Variants in AGBL4 observed in about 807,000 individuals in gnomAD.
The protein encoded by AGBL4 is cytosolic carboxypeptidase 6.
Under a neutral mutation model 66.4 loss-of-function variants are expected in AGBL4, and 58 were observed. The observed-to-expected ratio is 0.87, with a 90% CI of 0.71 to 1.09. The LOEUF (loss-of-function observed/expected upper bound fraction) is 1.09, where lower values mean the gene tolerates loss of function less well. Ranked by LOEUF, AGBL4 falls within the 50% of genes least tolerant of loss-of-function variation. AGBL4 has a pLI of 0.00. For synonymous variants in AGBL4, 234 were observed against 222.9 expected (o/e 1.05, Z -0.44); for missense variants, 579 against 631.0 (o/e 0.92, Z 0.88).
At chr1:49,430,974 A>G (rs1420847910) in intron 3 of AGBL4, among the ~76,000 whole-genome samples, 1 of 126,200 alleles carries the variant, frequency 7.9e-6, no homozygotes, top group Non-Finnish European at 1.8e-5. Context: ...GTAGATCACT[A>G]ATTCTCATGG....
intron 8 of AGBL4, among the ~76,000 whole-genome samples, chr1:48,638,011 T>G (rs1404858110): frequency 6.6e-6 from 1 of 152,162 alleles, no homozygotes; most frequent in African/African-American, 2.4e-5. Flanking sequence ...CATAAAACAA[T>G]TGTATCCTTA....
intron 6 of AGBL4, among the ~76,000 whole-genome samples, chr1:48,723,266 T>C (rs1237028833): frequency 1.3e-5 from 2 of 152,026 alleles, no homozygotes; most frequent in Non-Finnish European, 2.9e-5. Context: ...CTCAGGGAGG[T>C]AGATTTTTAG....
rs55896102 is a variant in AGBL4, at chr1:48,925,149, T to TACAC, written c.595-57923_595-57920dup. Among the ~76,000 whole-genome samples the TACAC allele has an allele frequency of 4.3e-3, 630 of 145,984 alleles. 4 individuals are homozygous for TACAC. Among genetic ancestry groups the TACAC allele is most frequent in the African/African-American group, 0.014 (567 of 39,382 alleles). On this transcript the variant is annotated intron_variant, in intron 5 of 13. Transcript: ENST00000371839. ...GACCATCTGTATATATATATATACA[T>TACAC]ACACACACACACACACACACACACA...
intron 5 of AGBL4, among the ~76,000 whole-genome samples, chr1:48,979,325 C>T (rs1041807853): frequency 2.0e-5 from 3 of 152,040 alleles, no homozygotes; most frequent in Non-Finnish European, 4.4e-5. Flanking sequence ...AAATATGTAT[C>T]ACGTGCCTGC....
chr1:49,841,713 G>A (rs1392650131), intron 2 of AGBL4: 3 of 255,454 alleles, frequency 1.2e-5, no homozygotes, highest in Admixed American at 5.2e-5. Flanking sequence ...GCATACAAGA[G>A]GTGACTTGGG....
In AGBL4 at chr1:49,347,323, C is replaced by T. The variant is rs184634344; in HGVS notation, c.283-101459G>A. Among the ~76,000 whole-genome samples the T allele has an allele frequency of 4.8e-4, 72 of 148,998 alleles. No homozygotes were observed. The East Asian group carries it at 0.013, about 27-fold the overall frequency. ...CTGGAGTGCAGTGGCACGATCTCAG[C>T]TCACTGCAAGCTCTGCCACCCGGGT... On this transcript the variant is annotated intron_variant, in intron 3 of 13. Coordinates refer to ENST00000371839, the MANE Select transcript of AGBL4 (RefSeq NM_032785.4).
At chr1:49,887,375 A>G (rs894102789) in intron 1 of AGBL4, among the ~76,000 whole-genome samples, 2 of 151,888 alleles carry the variant, frequency 1.3e-5, no homozygotes, top group African/African-American at 4.8e-5. Context: ...ATACAAACTG[A>G]GTCTTCAGTA....
chr1:50,003,536 C>G (rs1036561505), intron 1 of AGBL4, among the ~76,000 whole-genome samples: 1 of 152,140 alleles, frequency 6.6e-6, no homozygotes, highest in Non-Finnish European at 1.5e-5. Flanking sequence ...CTTTTCAGCA[C>G]TAAATATTCA....
chr1:49,134,870 C>A (rs745594776), intron 4 of AGBL4, among the ~76,000 whole-genome samples: 2 of 152,014 alleles, frequency 1.3e-5, no homozygotes, highest in Non-Finnish European at 2.9e-5. Flanking sequence ...TGATAAATGT[C>A]CATGAAATTT....
intron 7 of AGBL4, among the ~76,000 whole-genome samples, chr1:48,662,126 A>T (rs1393620414): frequency 6.6e-6 from 1 of 152,222 alleles, no homozygotes; most frequent in African/African-American, 2.4e-5. Flanking sequence ...AATAAAGCCC[A>T]TATTTATTTG....
chr1:49,321,404 T>A (rs1168269356), intron 3 of AGBL4, among the ~76,000 whole-genome samples: 1 of 152,176 alleles, frequency 6.6e-6, no homozygotes, highest in Non-Finnish European at 1.5e-5. Flanking sequence ...ATCAAACTGA[T>A]AACAATTAAA....
At chr1:49,750,220 T>C (rs1368099480) in intron 2 of AGBL4, among the ~76,000 whole-genome samples, 1 of 152,178 alleles carries the variant, frequency 6.6e-6, no homozygotes, top group Non-Finnish European at 1.5e-5. Flanking sequence ...AGGCTTTTTA[T>C]GGTTTTAGGT....
At chr1:49,647,512 C>G (rs1645912923) in intron 3 of AGBL4, among the ~76,000 whole-genome samples, 1 of 152,050 alleles carries the variant, frequency 6.6e-6, no homozygotes, top group African/African-American at 2.4e-5. Context: ...TACAGGGGGA[C>G]TCAGTCATTA....
At chr1:48,983,189 C>T (rs1659915220) in intron 5 of AGBL4, among the ~76,000 whole-genome samples, 1 of 152,036 alleles carries the variant, frequency 6.6e-6, no homozygotes, top group Admixed American at 6.6e-5. Flanking sequence ...AAGCCAAGAA[C>T]ATTCTAATAC....
chr1:49,427,822 G>A (rs1030958000), intron 3 of AGBL4, among the ~76,000 whole-genome samples: 9 of 152,198 alleles, frequency 5.9e-5, no homozygotes, highest in Admixed American at 2.0e-4. Context: ...ATTTGGCCCC[G>A]CCCACATCCT....
chr1:48,574,419 G>A (rs75914892), intron 11 of AGBL4, among the ~76,000 whole-genome samples: 5,642 of 152,180 alleles, frequency 0.037, 139 homozygotes, highest in South Asian at 0.08. Context: ...TGATGGTTCC[G>A]AATACACTTT....
chr1:49,457,442 T>C (rs1402523829), intron 3 of AGBL4, among the ~76,000 whole-genome samples: 2 of 151,930 alleles, frequency 1.3e-5, no homozygotes, highest in Non-Finnish European at 2.9e-5. Flanking sequence ...TTGAATTCTA[T>C]GTATATTCTG....
At chr1:49,652,021 G>A (rs999028801) in intron 3 of AGBL4, among the ~76,000 whole-genome samples, 1 of 152,052 alleles carries the variant, frequency 6.6e-6, no homozygotes, top group Non-Finnish European at 1.5e-5. Context: ...TTCTGGAAAT[G>A]AAAAATTCAC....
At chr1:49,929,912 C>T (rs938590692) in intron 1 of AGBL4, among the ~76,000 whole-genome samples, 3 of 152,104 alleles carry the variant, frequency 2.0e-5, no homozygotes, top group East Asian at 1.9e-4. Context: ...GGCATCACAT[C>T]ATTTGAATAT....
Sources: allele counts gnomAD v4.1 joint callset (sites outside exome capture counted in the v4.1 genomes callset), GRCh38; gene constraint gnomAD v4.1.1; transcripts MANE v1.5; gene names NCBI Gene and HGNC (gene_info 2026-07-23, HGNC 2026-07-21).